KPNA7: variants seen among roughly 807,000 people sequenced by gnomAD.
KPNA7 encodes karyopherin subunit alpha 7.
A neutral mutation model predicts 53.7 loss-of-function variants in KPNA7; 54 were observed. The ratio of observed to expected loss-of-function variants is 1.01; its 90% CI spans 0.81 to 1.26. The LOEUF is 1.26. KPNA7 is among the 50% of genes most tolerant of loss of function. The pLI, the probability that KPNA7 is intolerant of heterozygous loss-of-function variation, is 0.00. For synonymous variants in KPNA7, 276 were observed against 259.3 expected (o/e 1.06, Z -0.62); for missense variants, 640 against 644.5 (o/e 0.99, Z 0.07).
chr7:99,214,522 G>A (rs1372222044), intron 1 of KPNA7, among the ~76,000 whole-genome samples: 1 of 147,552 alleles, frequency 6.8e-6, no homozygotes, highest in African/African-American at 2.5e-5. Flanking sequence ...CAGCTACTTG[G>A]GAGGCTGAGG....
At chr7:99,182,228 C>T (rs568111858) in intron 8 of KPNA7, among the ~76,000 whole-genome samples, 163 bp from the exon 9 acceptor site, 1 of 152,018 alleles carries the variant, frequency 6.6e-6, no homozygotes, top group African/African-American at 2.4e-5. Flanking sequence ...TTTCCCCCCT[C>T]ACTCTGTCGC....
chr7:99,189,201 C>G (rs1789806456), intron 6 of KPNA7, among the ~76,000 whole-genome samples: 1 of 152,212 alleles, frequency 6.6e-6, no homozygotes, highest in Admixed American at 6.5e-5. Context: ...TAAAACACTA[C>G]TGGCATGTCA....
rs184633943 is a variant in KPNA7 at position 99,176,181 on chromosome 7, C to T, written c.1464+1739G>A. Among the ~76,000 whole-genome samples the T allele has an allele frequency of 6.3e-4, 96 of 151,568 alleles. 3 individuals are homozygous for T. In the Middle Eastern group the frequency reaches 0.041, roughly 65 times the overall value. On this transcript the variant is annotated intron_variant, in intron 10 of 10. Coordinates refer to ENST00000327442, the MANE Select transcript of KPNA7 (RefSeq NM_001145715.3). ...GACATGGTGGTGGGCGCCTGTAATC[C>T]CAGCTACTTGGGAGGCTGAGGCAGG...
At chr7:99,149,039 G>A in the KPNA7 span, among the ~76,000 whole-genome samples, 1 of 151,480 alleles carries the variant, frequency 6.6e-6, no homozygotes, top group Non-Finnish European at 1.5e-5. Context: ...GGGATTACAA[G>A]CGTGCCACAT....
chr7:99,215,695 A>G (rs1169866706), intron 1 of KPNA7, among the ~76,000 whole-genome samples: 1 of 152,126 alleles, frequency 6.6e-6, no homozygotes, highest in Non-Finnish European at 1.5e-5. Flanking sequence ...TTTACTTAAG[A>G]AAGTGTTGAC....
At chr7:99,166,167 C>T in the KPNA7 span, among the ~76,000 whole-genome samples, 4,849 of 152,198 alleles carry the variant, frequency 0.032, 260 homozygotes, top group African/African-American at 0.11. Context: ...CTTTATAAAC[C>T]ACCCAGACTC....
At chr7:99,163,359 G>GTGTATATATATATATA in the KPNA7 span, among the ~76,000 whole-genome samples, 122 of 66,322 alleles carry the variant, frequency 1.8e-3, 3 homozygotes, top group Non-Finnish European at 2.7e-3. Context: ...ATGAGTGTGT[G>GTGTATATATATATATA]TATATATATA....
chr7:99,193,599 C>T (rs1453736691), intron 5 of KPNA7, among the ~76,000 whole-genome samples: 4 of 152,134 alleles, frequency 2.6e-5, no homozygotes, highest in African/African-American at 9.7e-5. Context: ...TCCAGTCTTG[C>T]CTACTTTACT....
intron 2 of KPNA7, 133 bp downstream of exon 2, chr7:99,207,265 CCTT>C: frequency 1.4e-6 from 1 of 712,426 alleles, no homozygotes; most frequent in Admixed American, 2.1e-5. Flanking sequence ...AACCTCCTGA[CCTT>C]GTGATCTGCC....
At chr7:99,216,693 C>A (rs1186314512) in intron 1 of KPNA7, among the ~76,000 whole-genome samples, 2 of 152,220 alleles carry the variant, frequency 1.3e-5, no homozygotes, top group African/African-American at 2.4e-5. Context: ...CCCTGAGTAG[C>A]TGGGATTACG....
chr7:99,205,410 CAAAAAAAAAAA>C (rs61410237), intron 2 of KPNA7, among the ~76,000 whole-genome samples: 10,313 of 109,916 alleles, frequency 0.094, 459 homozygotes, highest in South Asian at 0.19. Flanking sequence ...GACTCCATCT[CAAAAAAAAAAA>C]AAAAAAAAAA....
intron 1 of KPNA7, among the ~76,000 whole-genome samples, chr7:99,213,845 G>T (rs1312386945): frequency 6.6e-6 from 1 of 151,784 alleles, no homozygotes; most frequent in East Asian, 2.0e-4. Flanking sequence ...CTGACCTCAA[G>T]TGATCCTCCT....
chr7:99,162,124 C>T, the KPNA7 span, among the ~76,000 whole-genome samples: 2 of 145,852 alleles, frequency 1.4e-5, no homozygotes, highest in Admixed American at 7.2e-5. Context: ...CAGCTCACTA[C>T]AACCTCCACC....
the KPNA7 span, among the ~76,000 whole-genome samples, chr7:99,159,566 C>T: frequency 4.6e-5 from 7 of 152,094 alleles, no homozygotes; most frequent in Non-Finnish European, 1.0e-4. Context: ...ATTGCCAATT[C>T]CACCCCATGT....
chr7:99,196,056 G>C (rs1790214476), intron 4 of KPNA7, 28 bp downstream of exon 4: 1 of 1,535,814 alleles, frequency 6.5e-7, no homozygotes, highest in Non-Finnish European at 8.8e-7. Flanking sequence ...CTATGAACCT[G>C]CAACAGCAGA....
chr7:99,192,984 TAAAA>T, intron 6 of KPNA7, 31 bp downstream of exon 6: 4 of 1,128,388 alleles, frequency 3.5e-6, no homozygotes, highest in South Asian at 1.7e-5. Flanking sequence ...AATTTTAATT[TAAAA>T]AAAAAAAAAG....
chr7:99,211,688 G>T (rs1791075221), upstream of KPNA7, among the ~76,000 whole-genome samples: 1 of 152,110 alleles, frequency 6.6e-6, no homozygotes, highest in South Asian at 2.1e-4. Context: ...AGCTACAGGA[G>T]AGCATGTCAG....
the KPNA7 span, among the ~76,000 whole-genome samples, chr7:99,162,140 G>A: frequency 1.3e-5 from 2 of 150,626 alleles, no homozygotes; most frequent in African/African-American, 4.9e-5. Context: ...CCACCTCCTG[G>A]GTTCAAGTGA....
chr7:99,154,150 T>G, the KPNA7 span, among the ~76,000 whole-genome samples: 19 of 151,216 alleles, frequency 1.3e-4, no homozygotes, highest in Admixed American at 1.3e-3. Flanking sequence ...TTTTTTTTTT[T>G]GAGACAGAGT....
Sources: allele counts gnomAD v4.1 joint callset (sites outside exome capture counted in the v4.1 genomes callset), GRCh38; gene constraint gnomAD v4.1.1; transcripts MANE v1.5; gene names NCBI Gene and HGNC (gene_info 2026-07-23, HGNC 2026-07-21).